CCM2: variants seen among roughly 807,000 people sequenced by gnomAD.
CCM2 encodes the protein CCM2 scaffold protein, also known as cerebral cavernous malformations 2 protein.
A neutral mutation model predicts 44.9 loss-of-function variants in CCM2; 25 were observed. The observed-to-expected ratio is 0.56, with a 90% CI of 0.41 to 0.78. The LOEUF (loss-of-function observed/expected upper bound fraction) is 0.78. Ranked by LOEUF, CCM2 falls within the 30% of genes least tolerant of loss-of-function variation. CCM2 has a pLI of 0.00. For missense variants in CCM2, 481 were observed against 580.6 expected (o/e 0.83, Z 1.76); for synonymous variants, 219 against 241.1 (o/e 0.91, Z 0.85).
intron 1 of CCM2, among the ~76,000 whole-genome samples, chr7:45,012,935 T>C (rs942350399): frequency 6.6e-6 from 1 of 152,208 alleles, no homozygotes; most frequent in African/African-American, 2.4e-5. Flanking sequence ...AAGAGCATTT[T>C]GTTACAGCTT....
intron 2 of CCM2, among the ~76,000 whole-genome samples, chr7:45,059,956 A>G (rs543856590): frequency 1.3e-5 from 2 of 152,298 alleles, no homozygotes; most frequent in South Asian, 4.1e-4. Flanking sequence ...CAGTCACCCA[A>G]TACACAAATT....
intron 9 of CCM2, 104 bp downstream of exon 9, chr7:45,074,512 C>G: frequency 1.1e-6 from 1 of 905,848 alleles, no homozygotes; most frequent in Non-Finnish European, 1.8e-6. Context: ...GCAGCAGGGG[C>G]TCCATCAGGG....
intron 1 of CCM2, among the ~76,000 whole-genome samples, chr7:45,023,223 G>T (rs1003778680): frequency 6.6e-6 from 1 of 151,994 alleles, no homozygotes; most frequent in Non-Finnish European, 1.5e-5. Flanking sequence ...AACCATGCCC[G>T]GCCCAGACTT....
At chr7:45,068,666 G>C in intron 5 of CCM2, 87 bp downstream of exon 5, 1 of 1,568,412 alleles carries the variant, frequency 6.4e-7, no homozygotes, top group South Asian at 1.1e-5. Context: ...ACCCAGCACA[G>C]TGCTGGGCAC....
At position 45,076,293 on chromosome 7, in the gene CCM2, C is replaced by T. The variant is rs944582062; in HGVS notation, c.*236C>T. ...CCTTGTCCACCAGGGCTCAGCCAAG[C>T]CCTGCAGTGTGTCCCCGCTCGGGGA... is the stretch of plus-strand genomic sequence containing the variant. On this transcript the variant is annotated 3_prime_UTR_variant, in exon 10 of 10. Transcript: ENST00000258781. 2 of 698,238 alleles carry T rather than the reference C, an allele frequency of 2.9e-6. No homozygotes were observed. Among genetic ancestry groups the T allele is most frequent in the African/African-American group, 3.5e-5 (2 of 57,080 alleles). 43.3% of individuals were successfully genotyped at this position (698,238 alleles called of 1,614,324 possible). A position where few individuals can be genotyped will look rare whatever the true frequency, so the allele number is the denominator to read the frequency against.
chr7:45,025,130 A>G (rs1003600578), intron 1 of CCM2, among the ~76,000 whole-genome samples: 16 of 152,216 alleles, frequency 1.1e-4, no homozygotes, highest in African/African-American at 3.9e-4. Context: ...TGTGTGGGCC[A>G]GGGGGCAAAA....
chr7:45,011,933 A>G (rs1237597714), intron 1 of CCM2, among the ~76,000 whole-genome samples: 1 of 151,462 alleles, frequency 6.6e-6, no homozygotes, highest in Admixed American at 6.6e-5. Context: ...CACCTGGCCT[A>G]AAGCCACCTT....
At chr7:45,056,508 AAGT>A (rs1428138906) in intron 2 of CCM2, among the ~76,000 whole-genome samples, 1 of 152,184 alleles carries the variant, frequency 6.6e-6, no homozygotes, top group East Asian at 1.9e-4. Context: ...TAAAAGAAAA[AAGT>A]AGCCATCCTA....
intron 1 of CCM2, among the ~76,000 whole-genome samples, chr7:45,005,487 G>A (rs1374825632): frequency 2.0e-5 from 3 of 152,216 alleles, no homozygotes; most frequent in African/African-American, 7.2e-5. Flanking sequence ...CTGCCCCACT[G>A]GGGCGCTTAC....
In CCM2 at chr7:45,034,112, T is replaced by C. The variant is rs1797095583; in HGVS notation, c.31-4141T>C. ...GAAGCCCGAAAGTGCCTTAGGGACA[T>C]CCTGTCTTCACTGCTGTCATAGAGC... On this transcript the variant is annotated intron_variant, in intron 1 of 9. Transcript: ENST00000258781. Among the ~76,000 whole-genome samples the C allele has an allele frequency of 1.3e-5, 2 of 152,156 alleles. 1 individual carries two copies. The highest frequency in any genetic ancestry group is 1.3e-4 in the Admixed American group (2 of 15,282).
At chr7:45,013,295 T>C (rs1796136549) in intron 1 of CCM2, among the ~76,000 whole-genome samples, 1 of 152,142 alleles carries the variant, frequency 6.6e-6, no homozygotes, top group South Asian at 2.1e-4. Context: ...ATACGTGTTA[T>C]AAATCTTACA....
intron 2 of CCM2, among the ~76,000 whole-genome samples, chr7:45,053,817 C>T (rs995109591): frequency 5.3e-5 from 8 of 152,152 alleles, no homozygotes; most frequent in East Asian, 1.9e-4. Flanking sequence ...ACATGGGCCA[C>T]GGGTGGGCTT....
chr7:45,004,496 G>T (rs1425295617), intron 1 of CCM2, among the ~76,000 whole-genome samples: 1 of 152,172 alleles, frequency 6.6e-6, no homozygotes, highest in Non-Finnish European at 1.5e-5. Context: ...ATCAGCTGCT[G>T]TAGTCACTGC....
intron 1 of CCM2, among the ~76,000 whole-genome samples, chr7:45,006,596 G>A (rs1224063186): frequency 5.9e-5 from 9 of 152,026 alleles, no homozygotes; most frequent in African/African-American, 2.2e-4. Flanking sequence ...CACCCACCTC[G>A]GCCTCCCAAA....
At chr7:45,037,803 T>TA (rs1157142025) in intron 1 of CCM2, among the ~76,000 whole-genome samples, 1 of 152,142 alleles carries the variant, frequency 6.6e-6, no homozygotes, top group African/African-American at 2.4e-5. Flanking sequence ...AAGAATTGCA[T>TA]AAAAAACATA....
In CCM2 at chr7:45,049,055, C is replaced by A. The variant is rs181467679; in HGVS notation, c.204+10629C>A. ...ACTGCAGCTTCAACTTCCCTGGGCTCAGGTGATCCTCTCACCTCAGCTTCC... is the reference window on the plus strand; with the variant it reads ...ACTGCAGCTTCAACTTCCCTGGGCTAAGGTGATCCTCTCACCTCAGCTTCC... On this transcript the variant is annotated intron_variant, in intron 2 of 9. Coordinates refer to ENST00000258781, the MANE Select transcript of CCM2 (RefSeq NM_031443.4). Among the ~76,000 whole-genome samples the A allele has an allele frequency of 3.2e-3, 480 of 152,314 alleles. 3 individuals are homozygous for A. The highest frequency in any genetic ancestry group is 0.01 in the Middle Eastern group (3 of 294).
At chr7:45,072,691 G>GA in intron 6 of CCM2, 35 bp from the exon 7 acceptor site, 9 of 1,564,998 alleles carry the variant, frequency 5.8e-6, no homozygotes, top group Non-Finnish European at 7.9e-6. Context: ...CTATGTCCCT[G>GA]AAAGTCATCT....
chr7:45,064,578 C>A lies in CCM2; in HGVS notation c.404C>A (p.Pro135His). The A allele has an allele frequency of 6.2e-7, 1 of 1,613,990 alleles. No individual in the cohort carries two copies. Among genetic ancestry groups the A allele is most frequent in the African/African-American group, 1.3e-5 (1 of 75,026 alleles). ...RDGEDIILRV[P>H]IHDIAAVSYV... ...GGGGAGGATATCATCCTCAGGGTGCCCATCCATGACATCGCCGCCGTCTCC... is the reference window on the plus strand; with the variant it reads ...GGGGAGGATATCATCCTCAGGGTGCACATCCATGACATCGCCGCCGTCTCC... The change falls in exon 4 of 10, where the codon CCC (proline) becomes CAC (histidine). Residue 135 changes from proline (P) to histidine (H), a missense_variant. Physicochemically the swap from Pro to His is moderately conservative, Grantham distance 77. Coordinates refer to ENST00000258781, the MANE Select transcript of CCM2 (RefSeq NM_031443.4).
intron 5 of CCM2, among the ~76,000 whole-genome samples, 154 bp from the exon 6 acceptor site, chr7:45,069,672 C>T (rs1443819273): frequency 6.6e-6 from 1 of 152,234 alleles, no homozygotes; most frequent in African/African-American, 2.4e-5. Flanking sequence ...TTTGACACCC[C>T]TTTGGGTCAG....
Sources: allele counts gnomAD v4.1 joint callset (sites outside exome capture counted in the v4.1 genomes callset), GRCh38; gene constraint gnomAD v4.1.1; transcripts MANE v1.5; gene names NCBI Gene and HGNC (gene_info 2026-07-23, HGNC 2026-07-21).